Variants in PFAS observed in about 807,000 individuals in gnomAD.
PFAS encodes the protein FGAM synthase.
A neutral mutation model predicts 140.6 loss-of-function variants in PFAS; 97 were observed. That is an observed-to-expected ratio of 0.69 (90% CI 0.59 to 0.82). PFAS has a LOEUF of 0.82. Among genes scored for constraint, PFAS ranks in the 40% least tolerant of loss-of-function variants. The pLI, the probability that PFAS is intolerant of heterozygous loss-of-function variation, is 0.00. For missense variants in PFAS, 1,656 were observed against 1,780.2 expected, an observed-to-expected ratio of 0.93 and a Z score of 1.26; for synonymous variants, 679 against 718.8, an observed-to-expected ratio of 0.94 and a Z score of 0.88.
chr17:8,251,435 C>T (rs952790416), intron 1 of PFAS, among the ~76,000 whole-genome samples: 14 of 151,970 alleles, frequency 9.2e-5, no homozygotes, highest in Non-Finnish European at 4.4e-5. Context: ...GTACATGCCA[C>T]CATGCCCCAC....
chr17:8,251,429 A>T (rs1989147015), intron 1 of PFAS, among the ~76,000 whole-genome samples: 1 of 151,154 alleles, frequency 6.6e-6, no homozygotes, highest in Admixed American at 6.6e-5. Flanking sequence ...CCACAGGTAC[A>T]TGCCACCATG....
upstream of PFAS, among the ~76,000 whole-genome samples, chr17:8,248,426 T>A (rs1246691403): frequency 2.2e-5 from 3 of 136,258 alleles, no homozygotes; most frequent in Non-Finnish European, 4.8e-5. Flanking sequence ...TTTTTTTTTT[T>A]TTTTTTTGTA....
Position 8,255,045 on chromosome 17 carries a change from A to G in PFAS, c.297A>G (p.Pro99=), listed in dbSNP as rs1035886033. The G allele has an allele frequency of 1.2e-6, 2 of 1,613,656 alleles. No individual in the cohort carries two copies. Among genetic ancestry groups the G allele is most frequent in the Admixed American group, 3.3e-5 (2 of 59,984 alleles). The change falls in exon 4 of 28, where the codon CCA becomes CCG. Residue 99 remains proline, a synonymous_variant. Transcript: ENST00000314666. The part of the protein sequence containing the change: ...EVGPRLNFST[P]TSTNIVSVCR... ...TGTTCAGGCTGAACTTCTCCACCCC[A>G]ACATCCACCAACATCGTGTCAGTGT...
In PFAS at chr17:8,263,263, A is replaced by G. The variant is rs1009707822; in HGVS notation, c.1565A>G (p.Asn522Ser). ...CSLHDQGAGG[N>S]GNVLKELSDP... ...CTTCATGATCAGGGCGCTGGTGGCA[A>G]TGGTGAGGAAAGGAGTTGGAACAAG... The change falls in exon 13 of 28, where the codon AAT becomes AGT. Residue 522 changes from asparagine to serine, a missense_variant and splice_region_variant. Asn to Ser is a conservative substitution (Grantham distance 46, BLOSUM62 1). Transcript: ENST00000314666. 1.9e-6 allele frequency: 3 copies of G among 1,614,080 alleles called. No homozygotes were observed. Among genetic ancestry groups the G allele is most frequent in the Non-Finnish European group, 2.5e-6 (3 of 1,180,014 alleles).
Position 8,267,752 on chromosome 17 carries a change from C to T in PFAS, c.3382+87C>T, listed in dbSNP as rs957587810. On this transcript the variant is annotated intron_variant, in intron 26 of 27. Transcript: ENST00000314666. The surrounding 1 kb of genome is among the most constrained non-coding windows in gnomAD (Gnocchi z 4.9). ...CCATCTTCCTGGGCTGGGGATTGGC[C>T]TCTCACTCCACCGAGCTACGAGAGA... 3 of 715,460 alleles carry T rather than the reference C, an allele frequency of 4.2e-6. No homozygotes were observed. The highest frequency in any genetic ancestry group is 7.2e-6 in the Non-Finnish European group (3 of 419,516). 44.3% of individuals were successfully genotyped at this position (715,460 alleles called of 1,614,324 possible). A position where few individuals can be genotyped will look rare whatever the true frequency, so the allele number is the denominator to read the frequency against.
chr17:8,255,410 A>G, intron 4 of PFAS, 92 bp from the exon 5 acceptor site: 1 of 1,005,138 alleles, frequency 9.9e-7, no homozygotes, highest in South Asian at 1.7e-5. Context: ...GCAGTGGGCT[A>G]GCCTTGCATG....
chr17:8,259,261 C>T (rs1470127802), intron 11 of PFAS, among the ~76,000 whole-genome samples: 1 of 150,444 alleles, frequency 6.6e-6, no homozygotes, highest in Non-Finnish European at 1.5e-5. Context: ...CATTTTCTTT[C>T]TCAAGTCAGA....
intron 11 of PFAS, among the ~76,000 whole-genome samples, chr17:8,260,709 C>A (rs1989557878): frequency 6.6e-6 from 1 of 152,222 alleles, no homozygotes; most frequent in Non-Finnish European, 1.5e-5. Context: ...ACTGCAAGCC[C>A]CGCCTCCCGG....
At chr17:8,258,985 C>CA (rs570981517) in intron 11 of PFAS, among the ~76,000 whole-genome samples, 2,562 of 88,308 alleles carry the variant, frequency 0.029, 95 homozygotes, top group African/African-American at 0.09. Flanking sequence ...GACTCCATCT[C>CA]AAAAAAAAAA....
chr17:8,267,184 A>G lies in PFAS; in HGVS notation c.3124A>G (p.Ser1042Gly), dbSNP rs1989851698. The change falls in exon 24 of 28, where the codon AGC becomes GGC. Residue 1042 changes from serine (S) to glycine (G), a missense_variant. Coordinates refer to ENST00000314666, the MANE Select transcript of PFAS (RefSeq NM_012393.3). This position sits in a 1 kb window ranked among gnomAD's most constrained non-coding sequence, Gnocchi z 4.9. ...GGGCCTGAGGGAGCGGATGGGGCCC[A>G]GCTATTGCCTGCCCCCCACCTTTCC... ...ERGLRERMGP[S>G]YCLPPTFPKA... is the part of the protein sequence containing the mutation. 1.9e-6 allele frequency: 3 copies of G among 1,606,534 alleles called. No individual in the cohort carries two copies. Among genetic ancestry groups the G allele is most frequent in the Admixed American group, 3.4e-5 (2 of 58,666 alleles).
At chr17:8,264,430 C>A in intron 16 of PFAS, 40 bp from the exon 17 acceptor site, 1 of 1,612,668 alleles carries the variant, frequency 6.2e-7, no homozygotes, top group Non-Finnish European at 8.5e-7. Flanking sequence ...GCCCAGCCCG[C>A]CCCAGGTGTT....
chr17:8,267,242 G>T lies in PFAS; in HGVS notation c.3175+7G>T. 2.5e-6 allele frequency: 4 copies of T among 1,608,238 alleles called. No individual in the cohort carries two copies. The highest frequency in any genetic ancestry group is 3.4e-6 in the Non-Finnish European group (4 of 1,176,164). On this transcript the variant is annotated splice_region_variant and intron_variant, in intron 24 of 27. Transcript: ENST00000314666. This position sits in a 1 kb window ranked among gnomAD's most constrained non-coding sequence, Gnocchi z 4.9. ...TCCGTGCCCCGTGAGCCTGGTGAGG[G>T]AGTGTGTGCAGAGGCTCCGCGTCCT...
chr17:8,253,529 AATGTTAT>A lies in PFAS; in HGVS notation c.-79-329_-79-323del, dbSNP rs1989239617. On this transcript the variant is annotated intron_variant, in intron 1 of 27. Transcript: ENST00000314666. ...TCAGTTCAACAGATAGGCCATAGTT[AATGTTAT>A]TTTTATTTTATTTATTTATTGAGAC... Among the ~76,000 whole-genome samples the A allele has an allele frequency of 3.9e-5, 6 of 152,156 alleles. No homozygotes were observed. The South Asian group carries it at 1.2e-3, about 32-fold the overall frequency.
rs113290766 is a variant in PFAS, at chr17:8,265,476, G to A, written c.2461+8G>A. Reference sequence around the variant, plus strand: ...AGACCGTGCGGGCTCCTGGTGAGGTGTGGGAGCCCCAGGGAGGGGAGGAGG... The same window carrying A: ...AGACCGTGCGGGCTCCTGGTGAGGTATGGGAGCCCCAGGGAGGGGAGGAGG... On this transcript the variant is annotated splice_region_variant and intron_variant, in intron 19 of 27. Coordinates refer to ENST00000314666, the MANE Select transcript of PFAS (RefSeq NM_012393.3). 1.6e-4 allele frequency: 264 copies of A among 1,613,352 alleles called. No homozygotes were observed. Among genetic ancestry groups the A allele is most frequent in the Non-Finnish European group, 2.1e-4 (247 of 1,179,478 alleles).
rs933994494 is a variant in PFAS at position 8,269,772 on chromosome 17, T to C, written c.*508T>C. 2.1e-4 allele frequency: 32 copies of C among 154,864 alleles called. No homozygotes were observed. Among genetic ancestry groups the C allele is most frequent in the African/African-American group, 7.5e-4 (31 of 41,582 alleles). The allele number at this position is 154,864 out of a possible 1,614,324, so 9.6% of individuals were successfully genotyped here. A position where few individuals can be genotyped will look rare whatever the true frequency, so the allele number is the denominator to read the frequency against. The stretch of plus-strand genomic sequence containing the variant: ...TTTCTCTTGAAGTGCTACACTGCAC[T>C]GAATGTAAGGAATTGTTGCTTGTGG... On this transcript the variant is annotated 3_prime_UTR_variant, in exon 28 of 28. Transcript: ENST00000314666.
In PFAS at chr17:8,256,541, A is replaced by G. The variant is rs1441938885; in HGVS notation, c.839A>G (p.Glu280Gly). 1 of 1,614,148 alleles carries G rather than the reference A, an allele frequency of 6.2e-7. No individual in the cohort carries two copies. The highest frequency in any genetic ancestry group is 8.5e-7 in the Non-Finnish European group (1 of 1,180,022). Residue 280 changes from glutamate (E) to glycine (G), a missense_variant, in exon 8 of 28, where the codon GAA (glutamate) becomes GGA (glycine). This residue lies in a region of PFAS where 773 missense variants were observed against 757.3 expected (regional missense o/e 1.02). Coordinates refer to ENST00000314666, the MANE Select transcript of PFAS (RefSeq NM_012393.3). ...CDNSSAIQGK[E>G]VRFLRPEDPT... is the part of the protein sequence containing the mutation. The stretch of plus-strand genomic sequence containing the variant: ...GTCCACAGTGCAATCCAGGGAAAGG[A>G]AGTCCGATTCCTACGGCCTGAGGAC...
intron 11 of PFAS, among the ~76,000 whole-genome samples, chr17:8,261,733 C>T (rs1466376091): frequency 1.3e-5 from 2 of 152,036 alleles, no homozygotes; most frequent in African/African-American, 4.8e-5. Flanking sequence ...ACCTTAGCCT[C>T]CTGAGTAGCT....
Position 8,253,989 on chromosome 17 carries a change from G to C in PFAS, c.52G>C (p.Ala18Pro), listed in dbSNP as rs1380137483. Residue 18 changes from alanine (A) to proline (P), a missense_variant, in exon 2 of 28, where the codon GCC becomes CCC. By Grantham distance (27) the Ala-to-Pro change is conservative (BLOSUM62 -1). Coordinates refer to ENST00000314666, the MANE Select transcript of PFAS (RefSeq NM_012393.3). ...TCGTCCCTCTGGCCATGAGGGGGCAGCCCCTGGACACACTCGGAGGAAACT... is the reference window on the plus strand; with the variant it reads ...TCGTCCCTCTGGCCATGAGGGGGCACCCCCTGGACACACTCGGAGGAAACT... ...YVRPSGHEGA[A>P]PGHTRRKLQG... The C allele has an allele frequency of 1.2e-6, 2 of 1,614,016 alleles. No homozygotes were observed. The highest frequency in any genetic ancestry group is 1.7e-6 in the Non-Finnish European group (2 of 1,180,006).
chr17:8,252,721 G>T (rs1243481759), intron 1 of PFAS, among the ~76,000 whole-genome samples: 1 of 152,142 alleles, frequency 6.6e-6, no homozygotes, highest in Admixed American at 6.6e-5. Flanking sequence ...AGGCTCAAGT[G>T]ATCTTCCCAC....
Sources: allele counts gnomAD v4.1 joint callset (sites outside exome capture counted in the v4.1 genomes callset), GRCh38; gene constraint gnomAD v4.1.1; regional missense constraint gnomAD v4.1.1; non-coding constraint Gnocchi (gnomAD v3.1); transcripts MANE v1.5; gene names NCBI Gene and HGNC (gene_info 2026-07-23, HGNC 2026-07-21).